The following PDS5A variants were observed in gnomAD, a reference collection of about 807,000 sequenced individuals.
PDS5A encodes the protein PDS5 cohesin associated factor A.
A neutral mutation model predicts 167.1 loss-of-function variants in PDS5A; 42 were observed. The ratio of observed to expected loss-of-function variants is 0.25; its 90% CI spans 0.20 to 0.33. The LOEUF is 0.33. Among genes scored for constraint, PDS5A ranks in the 10% least tolerant of loss-of-function variants. The pLI, the probability that PDS5A is intolerant of heterozygous loss-of-function variation, is 1.00. For missense variants in PDS5A, 1,033 were observed against 1,605.9 expected (o/e 0.64, Z 6.10); for synonymous variants, 553 against 554.6 (o/e 1.00, Z 0.04).
At chr4:39,896,303 C>T (rs1309712798) in intron 16 of PDS5A, among the ~76,000 whole-genome samples, 1 of 151,162 alleles carries the variant, frequency 6.6e-6, no homozygotes, top group African/African-American at 2.4e-5. Flanking sequence ...GCCTAGGCCT[C>T]CCAAAGTGCT....
At chr4:39,842,249 T>A (rs1295255321) in intron 30 of PDS5A, among the ~76,000 whole-genome samples, 193 bp from the exon 31 acceptor site, 1 of 152,238 alleles carries the variant, frequency 6.6e-6, no homozygotes, top group Non-Finnish European at 1.5e-5. Context: ...TTTGATAAAG[T>A]GGTATCAATT....
At chr4:39,951,605 A>G (rs995458745) in intron 2 of PDS5A, among the ~76,000 whole-genome samples, 3 of 152,210 alleles carry the variant, frequency 2.0e-5, no homozygotes, top group African/African-American at 7.2e-5. Flanking sequence ...AGCACTCAAA[A>G]GAATTCTACA....
At chr4:39,958,661 C>G (rs747339617) in intron 2 of PDS5A, among the ~76,000 whole-genome samples, 1 of 151,030 alleles carries the variant, frequency 6.6e-6, no homozygotes, top group Non-Finnish European at 1.5e-5. Context: ...ATCACCTAGG[C>G]TGGAGTGCAG....
chr4:39,864,302 A>C (rs750326224), intron 23 of PDS5A, among the ~76,000 whole-genome samples: 17 of 152,148 alleles, frequency 1.1e-4, no homozygotes, highest in Non-Finnish European at 1.8e-4. Context: ...AAGAGTGAAG[A>C]AGTATCAGAC....
At chr4:39,956,912 T>C (rs139865905) in intron 2 of PDS5A, among the ~76,000 whole-genome samples, 6 of 152,284 alleles carry the variant, frequency 3.9e-5, no homozygotes, top group African/African-American at 1.4e-4. Flanking sequence ...CCTCAAGTGA[T>C]CTGCCTTGCC....
Position 39,841,221 on chromosome 4 carries a change from C to G in PDS5A, c.3657+727G>C, listed in dbSNP as rs1330837082. Among the ~76,000 whole-genome samples, 4 of 152,200 alleles carry G rather than the reference C, an allele frequency of 2.6e-5. No individual in the cohort carries two copies. In the South Asian group the frequency reaches 8.3e-4, roughly 32 times the overall value. ...ATGGCACGATCTTAGCTCACTGCAA[C>G]CTCCGCCTCCTGGGTTCAAGCAATT... On this transcript the variant is annotated intron_variant, in intron 31 of 32. Coordinates refer to ENST00000303538, the MANE Select transcript of PDS5A (RefSeq NM_001100399.2).
intron 2 of PDS5A, among the ~76,000 whole-genome samples, chr4:39,949,663 C>CT (rs1383063830): frequency 8.0e-5 from 12 of 150,370 alleles, no homozygotes; most frequent in Admixed American, 2.0e-4. Flanking sequence ...AACCCCATCT[C>CT]TAAAAAAAAA....
intron 2 of PDS5A, among the ~76,000 whole-genome samples, chr4:39,937,110 G>A (rs969075093): frequency 6.6e-6 from 1 of 152,112 alleles, no homozygotes; most frequent in African/African-American, 2.4e-5. Flanking sequence ...GCTTTATGAC[G>A]CAGGCATGAA....
rs1715171222 is a variant in PDS5A, at chr4:39,825,065, C to T, written c.*420G>A. On this transcript the variant is annotated 3_prime_UTR_variant, in exon 33 of 33. Transcript: ENST00000303538. ...TCCTGTGTAACATGGGAATTCCTGG[C>T]TCTAAAATGGATGAATTTTCAGTGT... 1 of 158,178 alleles carries T rather than the reference C, an allele frequency of 6.3e-6. No individual in the cohort carries two copies. Among genetic ancestry groups the T allele is most frequent in the South Asian group, 2.0e-4 (1 of 4,882 alleles). 9.8% of individuals were successfully genotyped at this position (158,178 alleles called of 1,614,324 possible).
At position 39,822,935 on chromosome 4, in the gene PDS5A, T is replaced by A. The variant is rs1158959918; in HGVS notation, c.*2550A>T. ...ATTTTATGGTAGGATTTTACACTTG[T>A]CATTTACACAAATTACAAGGTTCTG... On this transcript the variant is annotated 3_prime_UTR_variant, in exon 33 of 33. Transcript: ENST00000303538. The A allele has an allele frequency of 6.6e-6, 1 of 152,644 alleles. No homozygotes were observed. The highest frequency in any genetic ancestry group is 1.5e-5 in the Non-Finnish European group (1 of 68,042). The allele number at this position is 152,644 out of a possible 1,614,324, so 9.5% of individuals were successfully genotyped here. A position where few individuals can be genotyped will look rare whatever the true frequency, so the allele number is the denominator to read the frequency against.
intron 32 of PDS5A, among the ~76,000 whole-genome samples, chr4:39,835,239 C>T (rs1338380243): frequency 6.6e-6 from 1 of 152,150 alleles, no homozygotes; most frequent in Non-Finnish European, 1.5e-5. Context: ...GCCACCGCAC[C>T]TGGCCATAAA....
chr4:39,855,975 A>T (rs1453447444), intron 26 of PDS5A, among the ~76,000 whole-genome samples: 1 of 152,220 alleles, frequency 6.6e-6, no homozygotes, highest in Non-Finnish European at 1.5e-5. Flanking sequence ...TTATACATCC[A>T]AGAAACTCAG....
At chr4:39,901,570 T>TA (rs918599600) in intron 13 of PDS5A, among the ~76,000 whole-genome samples, 4 of 152,230 alleles carry the variant, frequency 2.6e-5, no homozygotes, top group Middle Eastern at 6.8e-3. Context: ...ACGTCCGGCC[T>TA]AAAAATGCAG....
chr4:39,868,897 C>T (rs1470682304), intron 22 of PDS5A, among the ~76,000 whole-genome samples: 1 of 152,140 alleles, frequency 6.6e-6, no homozygotes, highest in Non-Finnish European at 1.5e-5. Context: ...CCCAAATCTG[C>T]CACAGTGCCC....
intron 5 of PDS5A, among the ~76,000 whole-genome samples, chr4:39,925,462 T>C (rs11938880): frequency 0.21 from 31,384 of 152,142 alleles, 3,787 homozygotes; most frequent in African/African-American, 0.32. Flanking sequence ...ACCTCATAAT[T>C]TAATACTTCA....
At chr4:39,841,146 A>G (rs913285875) in intron 31 of PDS5A, among the ~76,000 whole-genome samples, 32 of 151,962 alleles carry the variant, frequency 2.1e-4, no homozygotes, top group African/African-American at 7.2e-4. Context: ...AAAAACTCTC[A>G]ATTCCTTTTT....
At chr4:39,862,647 C>T (rs1034858253) in intron 25 of PDS5A, among the ~76,000 whole-genome samples, 2 of 152,116 alleles carry the variant, frequency 1.3e-5, no homozygotes, top group African/African-American at 4.8e-5. Flanking sequence ...TTAAACTACA[C>T]TCCTGATCCC....
chr4:39,882,410 T>G (rs888062357), intron 17 of PDS5A, among the ~76,000 whole-genome samples: 3 of 152,248 alleles, frequency 2.0e-5, no homozygotes, highest in Non-Finnish European at 4.4e-5. Flanking sequence ...CTATCCTATA[T>G]GTTTTCTGGA....
At chr4:39,948,160 C>G (rs1727956984) in intron 2 of PDS5A, among the ~76,000 whole-genome samples, 1 of 135,450 alleles carries the variant, frequency 7.4e-6, no homozygotes, top group Non-Finnish European at 1.5e-5. Flanking sequence ...ACTGAGGCAG[C>G]AGGATTCCTT....
Sources: allele counts gnomAD v4.1 joint callset (sites outside exome capture counted in the v4.1 genomes callset), GRCh38; gene constraint gnomAD v4.1.1; transcripts MANE v1.5; gene names NCBI Gene and HGNC (gene_info 2026-07-23, HGNC 2026-07-21).